RNF13: variants seen among roughly 807,000 people sequenced by gnomAD.
RNF13 encodes the protein E3 ubiquitin-protein ligase RNF13.
A neutral mutation model predicts 37.7 loss-of-function variants in RNF13; 19 were observed. The observed-to-expected ratio is 0.50, with a 90% CI of 0.35 to 0.74. The LOEUF is 0.74. Ranked by LOEUF, RNF13 falls within the 30% of genes least tolerant of loss-of-function variation. The probability of loss-of-function intolerance (pLI) is 0.01; values close to 1 mark genes in which losing one functional copy is unlikely to be tolerated. For missense variants in RNF13, 375 were observed against 453.0 expected (o/e 0.83, Z 1.56); for synonymous variants, 144 against 157.8 (o/e 0.91, Z 0.65).
rs56822562 is a variant in RNF13 at position 149,835,667 on chromosome 3, T to G, written c.-16-10344T>G. 1.5e-3 allele frequency among the ~76,000 whole-genome samples: 133 copies of G among 87,888 alleles called. 1 individual carries two copies. The South Asian group carries it at 0.018, about 12-fold the overall frequency. 57.7% of individuals were successfully genotyped at this position (87,888 alleles called of 152,430 possible). A position where few individuals can be genotyped will look rare whatever the true frequency, so the allele number is the denominator to read the frequency against. On this transcript the variant is annotated intron_variant, in intron 1 of 9. Transcript: ENST00000392894. ...TGTGTGTGTGTGTGTGTGTGTGTGT[T>G]TGTGTGTGTGTGTGTGTATGTGTGT...
chr3:149,843,688 C>T (rs544544658), intron 1 of RNF13, among the ~76,000 whole-genome samples: 13 of 152,326 alleles, frequency 8.5e-5, no homozygotes, highest in South Asian at 2.1e-4. Context: ...ACTCTTCGAA[C>T]ATCAACCTTG....
chr3:149,950,375 C>G (rs764170814), intron 8 of RNF13, among the ~76,000 whole-genome samples: 14 of 152,182 alleles, frequency 9.2e-5, no homozygotes, highest in Non-Finnish European at 1.8e-4. Flanking sequence ...ACATGATATA[C>G]TGGGTGAAAA....
In RNF13 at chr3:149,961,104, A is replaced by G. The variant is rs779429150; in HGVS notation, c.1146A>G (p.Ter382TrpextTer11). Residue 382 changes from the stop codon to tryptophan, a stop_lost, in exon 10 of 10, where the codon TGA (stop) becomes TGG (tryptophan). Transcript: ENST00000392894. Reference sequence around the variant, plus strand: ...ATTACAACATAGCAAATACTGTTTGACTTTCAGAAGATGATTGGTTTATTT... The same window carrying G: ...ATTACAACATAGCAAATACTGTTTGGCTTTCAGAAGATGATTGGTTTATTT... ...ERDYNIANTV[*>W] 1 of 1,592,626 alleles carries G rather than the reference A, an allele frequency of 6.3e-7. No individual in the cohort carries two copies. Among genetic ancestry groups the G allele is most frequent in the Non-Finnish European group, 8.6e-7 (1 of 1,168,384 alleles).
At chr3:149,958,710 A>G (rs1275882505) in intron 8 of RNF13, among the ~76,000 whole-genome samples, 5 of 152,234 alleles carry the variant, frequency 3.3e-5, no homozygotes, top group African/African-American at 4.8e-5. Context: ...AAATAGATCT[A>G]TGTAATTATA....
intron 8 of RNF13, among the ~76,000 whole-genome samples, chr3:149,948,887 G>T (rs982781935): frequency 1.3e-5 from 2 of 152,106 alleles, no homozygotes; most frequent in African/African-American, 4.8e-5. Flanking sequence ...AATTAGCCAG[G>T]CATGGTGGCA....
At chr3:149,863,296 CTTT>C (rs1296374182) in intron 3 of RNF13, among the ~76,000 whole-genome samples, 1 of 152,048 alleles carries the variant, frequency 6.6e-6, no homozygotes, top group Non-Finnish European at 1.5e-5. Context: ...GAGTGAGGGT[CTTT>C]TTTGTTGTGG....
chr3:149,837,643 A>G (rs533418152), intron 1 of RNF13, among the ~76,000 whole-genome samples: 1 of 152,298 alleles, frequency 6.6e-6, no homozygotes, highest in African/African-American at 2.4e-5. Flanking sequence ...CTTATTCATT[A>G]TCACGAGAAT....
intron 7 of RNF13, among the ~76,000 whole-genome samples, chr3:149,920,212 T>C (rs116142760): frequency 3.7e-4 from 56 of 152,314 alleles, no homozygotes; most frequent in African/African-American, 1.3e-3. Flanking sequence ...ATTTTTCATT[T>C]TTAAATTTTA....
At chr3:149,922,340 C>T (rs550913193) in intron 8 of RNF13, among the ~76,000 whole-genome samples, 203 of 152,126 alleles carry the variant, frequency 1.3e-3, no homozygotes, top group Non-Finnish European at 2.2e-3. Flanking sequence ...CTATGCCTAA[C>T]GCTAAGTAGA....
chr3:149,912,333 G>A (rs1264659943), intron 7 of RNF13, among the ~76,000 whole-genome samples: 1 of 152,106 alleles, frequency 6.6e-6, no homozygotes, highest in African/African-American at 2.4e-5. Context: ...ACTTTTGGGG[G>A]ATGACAGTCG....
In RNF13 at chr3:149,889,292, C is replaced by CGTGTGTGTGTGTGTGTGT. The variant is rs376618726; in HGVS notation, c.322-6164_322-6147dup. Among the ~76,000 whole-genome samples the CGTGTGTGTGTGTGTGTGT allele has an allele frequency of 6.2e-4, 86 of 138,224 alleles. 2 individuals are homozygous for CGTGTGTGTGTGTGTGTGT. The highest frequency in any genetic ancestry group is 3.4e-3 in the South Asian group (14 of 4,162). 90.7% of individuals were successfully genotyped at this position (138,224 alleles called of 152,430 possible). On this transcript the variant is annotated intron_variant, in intron 4 of 9. Transcript: ENST00000392894. Reference sequence around the variant, plus strand: ...TGCTGAAAATCTGAATTTGAGTGTGCGTGTGTGTGTGTGTGTGTGTGTGTG... The same window carrying CGTGTGTGTGTGTGTGTGT: ...TGCTGAAAATCTGAATTTGAGTGTGCGTGTGTGTGTGTGTGTGTGTGTGTGTGTGTGTGTGTGTGTGTG...
chr3:149,842,936 G>A (rs1027930729), intron 1 of RNF13, among the ~76,000 whole-genome samples: 2 of 152,124 alleles, frequency 1.3e-5, no homozygotes, highest in African/African-American at 4.8e-5. Flanking sequence ...AATACCTTAA[G>A]TGAAAAAAAT....
intron 8 of RNF13, among the ~76,000 whole-genome samples, chr3:149,957,260 G>A (rs1721955543): frequency 6.6e-6 from 1 of 152,068 alleles, no homozygotes; most frequent in Non-Finnish European, 1.5e-5. Flanking sequence ...ACCATTTTTA[G>A]TTTCAAGTAT....
At chr3:149,876,476 TAAAACTTAACTGGGATACAGATAC>T (rs1412739701) in intron 4 of RNF13, among the ~76,000 whole-genome samples, 1 of 152,162 alleles carries the variant, frequency 6.6e-6, no homozygotes, top group Non-Finnish European at 1.5e-5. Context: ...GTGGCTTTTA[TAAAACTTAACTGGGATACAGATAC>T]AAAACTTAAC....
intron 4 of RNF13, among the ~76,000 whole-genome samples, chr3:149,886,381 A>G (rs2108472925): frequency 6.6e-6 from 1 of 151,824 alleles, no homozygotes; most frequent in East Asian, 1.9e-4. Context: ...TTTTCTCTTA[A>G]TTTTATTTTG....
At chr3:149,935,442 T>C (rs1302171714) in intron 8 of RNF13, among the ~76,000 whole-genome samples, 1 of 152,144 alleles carries the variant, frequency 6.6e-6, no homozygotes, top group Non-Finnish European at 1.5e-5. Flanking sequence ...TTGTAACTCC[T>C]TTTTTACTTT....
chr3:149,884,815 C>G (rs1713833316), intron 4 of RNF13, among the ~76,000 whole-genome samples: 1 of 151,332 alleles, frequency 6.6e-6, no homozygotes, highest in Non-Finnish European at 1.5e-5. Flanking sequence ...TATAGTAACC[C>G]TGTTGTGCTA....
At chr3:149,918,285 ATG>A (rs1257294682) in intron 7 of RNF13, among the ~76,000 whole-genome samples, 1 of 152,150 alleles carries the variant, frequency 6.6e-6, no homozygotes, top group Non-Finnish European at 1.5e-5. Context: ...CAGTAGTCAC[ATG>A]TACTTGGTGG....
At position 149,867,426 on chromosome 3, in the gene RNF13, C is replaced by T. The variant is rs1026218751; in HGVS notation, c.196-4603C>T. Among the ~76,000 whole-genome samples, 17 of 151,392 alleles carry T rather than the reference C, an allele frequency of 1.1e-4. 1 individual carries two copies. Among genetic ancestry groups the T allele is most frequent in the African/African-American group, 3.4e-4 (14 of 41,288 alleles). ...GACTACAGGCGCCCACCACCACGCC[C>T]GGCTAATTTTTTTGTATTTTTAGTA... is the stretch of plus-strand genomic sequence containing the variant. On this transcript the variant is annotated intron_variant, in intron 3 of 9. Coordinates refer to ENST00000392894, the MANE Select transcript of RNF13 (RefSeq NM_183381.3).
Sources: allele counts gnomAD v4.1 joint callset (sites outside exome capture counted in the v4.1 genomes callset), GRCh38; gene constraint gnomAD v4.1.1; transcripts MANE v1.5; gene names NCBI Gene and HGNC (gene_info 2026-07-23, HGNC 2026-07-21).